ARHGAP24: variants seen among roughly 807,000 people sequenced by gnomAD.
The protein encoded by ARHGAP24 is Rho GTPase activating protein 24, also known as rho GTPase-activating protein 24.
In ARHGAP24, 50 loss-of-function variants were observed where a neutral mutation model predicts 76.4. The ratio of observed to expected loss-of-function variants is 0.65; its 90% CI spans 0.52 to 0.83. ARHGAP24 has a LOEUF of 0.83. Ranked by LOEUF, ARHGAP24 falls within the 40% of genes least tolerant of loss-of-function variation. The pLI is 0.00. For missense variants in ARHGAP24, 930 were observed against 914.2 expected (o/e 1.02, Z -0.22); for synonymous variants, 345 against 323.3 (o/e 1.07, Z -0.72).
At chr4:85,767,497 A>G (rs780771842) in intron 3 of ARHGAP24, among the ~76,000 whole-genome samples, 20 of 152,096 alleles carry the variant, frequency 1.3e-4, no homozygotes, top group Non-Finnish European at 1.8e-4. Flanking sequence ...ATTGCTGTGG[A>G]AGAGGAAGAG....
chr4:85,545,191 G>A (rs201583597), intron 1 of ARHGAP24, among the ~76,000 whole-genome samples: 3 of 151,654 alleles, frequency 2.0e-5, no homozygotes, highest in Admixed American at 6.6e-5. Context: ...CCTCCGCCTC[G>A]TGGGTTCAAG....
At chr4:85,849,710 T>C (rs1731107535) in intron 3 of ARHGAP24, among the ~76,000 whole-genome samples, 3 of 152,178 alleles carry the variant, frequency 2.0e-5, no homozygotes, top group African/African-American at 7.2e-5. Flanking sequence ...GATAATCATG[T>C]GGTTTTTGTC....
At chr4:85,936,550 T>C (rs1433920509) in intron 4 of ARHGAP24, among the ~76,000 whole-genome samples, 2 of 151,990 alleles carry the variant, frequency 1.3e-5, no homozygotes, top group Non-Finnish European at 2.9e-5. Context: ...TGTAGCTGCT[T>C]TCTAATATTT....
At chr4:85,820,593 A>G (rs1729427090) in intron 3 of ARHGAP24, among the ~76,000 whole-genome samples, 1 of 152,206 alleles carries the variant, frequency 6.6e-6, no homozygotes, top group Non-Finnish European at 1.5e-5. Flanking sequence ...GATGCAATTT[A>G]TCTATATAAC....
chr4:85,692,814 G>C (rs1723715488), intron 2 of ARHGAP24, among the ~76,000 whole-genome samples: 1 of 152,202 alleles, frequency 6.6e-6, no homozygotes. Flanking sequence ...TGTCATTTCA[G>C]AGTGGTTAAG....
At chr4:85,529,511 A>G (rs1425391243) in intron 1 of ARHGAP24, among the ~76,000 whole-genome samples, 2 of 152,036 alleles carry the variant, frequency 1.3e-5, no homozygotes, top group Non-Finnish European at 2.9e-5. Context: ...CACCATTTAG[A>G]CATTCTGAAT....
intron 1 of ARHGAP24, among the ~76,000 whole-genome samples, chr4:85,541,412 C>A (rs1725697384): frequency 8.3e-6 from 1 of 120,972 alleles, no homozygotes; most frequent in African/African-American, 6.4e-5. Flanking sequence ...CTCGGCCTCC[C>A]AAAGTGCTGG....
intron 3 of ARHGAP24, among the ~76,000 whole-genome samples, chr4:85,792,361 C>T (rs1276642140): frequency 6.6e-6 from 1 of 152,010 alleles, no homozygotes; most frequent in African/African-American, 2.4e-5. Flanking sequence ...TCCCGTGTTA[C>T]CAATATAAAA....
intron 3 of ARHGAP24, among the ~76,000 whole-genome samples, chr4:85,841,546 C>A (rs1157674724): frequency 6.6e-6 from 1 of 152,148 alleles, no homozygotes; most frequent in Non-Finnish European, 1.5e-5. Flanking sequence ...TTATTGTTAT[C>A]ATTATATTTT....
chr4:85,828,053 G>A, intron 3 of ARHGAP24: 1 of 1,111,054 alleles, frequency 9.0e-7, no homozygotes, highest in East Asian at 5.8e-5. Context: ...ATAATTTGGG[G>A]ATATTTATAT....
intron 2 of ARHGAP24, among the ~76,000 whole-genome samples, chr4:85,582,959 T>C (rs981672099): frequency 2.6e-5 from 4 of 152,180 alleles, no homozygotes; most frequent in East Asian, 1.9e-4. Context: ...TTGTTTCCTT[T>C]AATATTCTGG....
chr4:85,824,691 GA>G (rs1053860514), intron 3 of ARHGAP24, among the ~76,000 whole-genome samples: 2 of 127,596 alleles, frequency 1.6e-5, no homozygotes, highest in Non-Finnish European at 3.4e-5. Flanking sequence ...AATCCAAGAG[GA>G]AAAAAAAACA....
chr4:85,854,202 T>G (rs1176777936), intron 3 of ARHGAP24, among the ~76,000 whole-genome samples: 1 of 151,568 alleles, frequency 6.6e-6, no homozygotes, highest in Non-Finnish European at 1.5e-5. Context: ...GAAATTCTAT[T>G]CAAATAAACA....
At chr4:85,621,237 A>C (rs768594706) in intron 2 of ARHGAP24, among the ~76,000 whole-genome samples, 1 of 152,082 alleles carries the variant, frequency 6.6e-6, no homozygotes, top group Non-Finnish European at 1.5e-5. Flanking sequence ...ACATACTAGT[A>C]CAAGTGTCTT....
intron 3 of ARHGAP24, among the ~76,000 whole-genome samples, chr4:85,880,520 TG>T (rs1207788999): frequency 0.13 from 19 of 148 alleles, no homozygotes; most frequent in Admixed American, 0.3. Context: ...GCATAACTTT[TG>T]TGTGTGTGTG....
rs1553922810 is a variant in ARHGAP24 at position 85,685,643 on chromosome 4, A to AAAGAAAAGAAAAGAAAAG, written c.181-36240_181-36239insGAAAAGAAAAGAAAAGAA. The stretch of plus-strand genomic sequence containing the variant: ...GCGAGACTCTGTCTCAAAAAAAAAA[A>AAAGAAAAGAAAAGAAAAG]AAAAGAAAAGAAAAAGAAGTCTCCA... On this transcript the variant is annotated intron_variant, in intron 2 of 9. Coordinates refer to ENST00000395184, the MANE Select transcript of ARHGAP24 (RefSeq NM_001025616.3). Among the ~76,000 whole-genome samples the AAAGAAAAGAAAAGAAAAG allele has an allele frequency of 4.7e-3, 701 of 150,188 alleles. 6 individuals carry two copies. Among genetic ancestry groups the AAAGAAAAGAAAAGAAAAG allele is most frequent in the African/African-American group, 0.017 (661 of 39,920 alleles).
intron 1 of ARHGAP24, among the ~76,000 whole-genome samples, chr4:85,565,535 C>G (rs1467534852): frequency 6.6e-6 from 1 of 152,278 alleles, no homozygotes. Flanking sequence ...CCACCAGACG[C>G]CAAGGAAACT....
intron 1 of ARHGAP24, among the ~76,000 whole-genome samples, chr4:85,487,257 T>TA (rs1723102485): frequency 7.9e-6 from 1 of 126,290 alleles, no homozygotes. Flanking sequence ...TATATATTTA[T>TA]TATATATAAA....
At chr4:85,930,971 C>A (rs1185062348) in intron 4 of ARHGAP24, 7 of 1,613,546 alleles carry the variant, frequency 4.3e-6, no homozygotes, top group Middle Eastern at 3.3e-4. Flanking sequence ...CCGGCTGGTG[C>A]CTTAGCCTCA....
Sources: gnomAD v4.1 joint callset for allele counts (sites outside exome capture counted in the v4.1 genomes callset) on GRCh38, gnomAD v4.1.1 for gene constraint, MANE v1.5 for transcripts, NCBI Gene and HGNC (gene_info 2026-07-23, HGNC 2026-07-21) for gene names.